The following RHCE variants were observed in gnomAD, a reference collection of about 807,000 sequenced individuals.
RHCE encodes Rh blood group CcEe antigens, also known as blood group Rh(CE) polypeptide.
In RHCE, 22 loss-of-function variants were observed where a neutral mutation model predicts 43.8. The ratio of observed to expected loss-of-function variants is 0.50; its 90% CI spans 0.36 to 0.72. The LOEUF is 0.72. RHCE is among the 30% of genes least tolerant of loss of function. The pLI is 0.00. For missense variants in RHCE, 385 were observed against 525.4 expected (o/e 0.73, Z 2.61); for synonymous variants, 156 against 210.7 (o/e 0.74, Z 2.25).
At chr1:25,379,451 GTATATATATATATATATATATA>G (rs1189074254) in intron 7 of RHCE, among the ~76,000 whole-genome samples, 29 of 51,000 alleles carry the variant, frequency 5.7e-4, no homozygotes, top group African/African-American at 8.6e-4. Flanking sequence ...TAGCACCAAA[GTATATATATATATATATATATA>G]TATATATATA....
In RHCE at chr1:25,420,693, T is replaced by C. The variant is rs760999674; in HGVS notation, c.94A>G (p.Thr32Ala). The C allele has an allele frequency of 8.1e-6, 13 of 1,612,958 alleles. No individual in the cohort carries two copies. In the Admixed American group the frequency reaches 1.2e-4, roughly 15 times the overall value. The change falls in exon 1 of 10, where the codon ACC becomes GCC. Residue 32 changes from threonine to alanine, a missense_variant. By Grantham distance (58) the Thr-to-Ala change is moderately conservative. Around this residue, in one of 6 missense-constraint regions of RHCE, gnomAD observed 110 missense variants for 192.1 expected, o/e 0.57. Transcript: ENST00000294413. ...AALILLFYFF[T>A]HYDASLEDQK... ...TCCTCTAAGGAAGCGTCATAGTGGG[T>C]AAAAAAATAGAAGAGGAGAATGAGA... is the stretch of plus-strand genomic sequence containing the variant.
intron 8 of RHCE, among the ~76,000 whole-genome samples, chr1:25,372,672 G>T (rs539485231): frequency 3.3e-5 from 5 of 151,698 alleles, no homozygotes; most frequent in Non-Finnish European, 5.9e-5. Flanking sequence ...ATGCTTGATA[G>T]GATTGTTCCT....
chr1:25,389,182 C>T (rs1646277680), intron 5 of RHCE, 69 bp from the exon 6 acceptor site: 3 of 1,514,094 alleles, frequency 2.0e-6, no homozygotes, highest in Middle Eastern at 2.1e-4. Context: ...TGCAAGTGAC[C>T]AGCACGCTGG....
intron 3 of RHCE, among the ~76,000 whole-genome samples, chr1:25,399,719 CT>C (rs766295126): frequency 1.3e-5 from 2 of 152,094 alleles, no homozygotes; most frequent in Non-Finnish European, 2.9e-5. Flanking sequence ...TTAGGAAATG[CT>C]GATATCTCAT....
At chr1:25,393,804 C>G (rs1430816817) in intron 3 of RHCE, among the ~76,000 whole-genome samples, 4 of 151,694 alleles carry the variant, frequency 2.6e-5, no homozygotes, top group Non-Finnish European at 4.4e-5. Context: ...TCCTCAAACC[C>G]ACTAGCGTGT....
chr1:25,420,072 C>T (rs2904813), intron 1 of RHCE, among the ~76,000 whole-genome samples: 71,338 of 150,446 alleles, frequency 0.47, 17,501 homozygotes, highest in Non-Finnish European at 0.54. Context: ...GTCCCAGCTT[C>T]TTGGGAGGCT....
At chr1:25,422,840 G>T (rs1364617388), upstream of RHCE, among the ~76,000 whole-genome samples, 1 of 152,192 alleles carries the variant, frequency 6.6e-6, no homozygotes, top group Non-Finnish European at 1.5e-5. Context: ...TCAGGCATTA[G>T]TTAGATTCTC....
intron 1 of RHCE, among the ~76,000 whole-genome samples, chr1:25,419,232 G>A (rs1049385221): frequency 6.6e-5 from 10 of 152,318 alleles, no homozygotes; most frequent in African/African-American, 2.4e-4. Context: ...ATAAATATCA[G>A]TTCTAATCAT....
chr1:25,400,125 C>T (rs1443453647), intron 3 of RHCE, among the ~76,000 whole-genome samples: 1 of 152,156 alleles, frequency 6.6e-6, no homozygotes, highest in Admixed American at 6.5e-5. Flanking sequence ...TCTGTATCAT[C>T]AGATTTTTCC....
rs1160677348 is a variant in RHCE, at chr1:25,406,125, G to A, written c.335+2558C>T. Among the ~76,000 whole-genome samples the A allele has an allele frequency of 5.7e-5, 7 of 123,040 alleles. 2 individuals are homozygous for A. Among genetic ancestry groups the A allele is most frequent in the Admixed American group, 3.5e-4 (4 of 11,486 alleles). 80.7% of individuals were successfully genotyped at this position (123,040 alleles called of 152,430 possible). A position where few individuals can be genotyped will look rare whatever the true frequency, so the allele number is the denominator to read the frequency against. ...CTGTGGGGCAGGAGGCTGAAGGCTG[G>A]TGTGACCTTAAGCTAAGGCAGCAAC... On this transcript the variant is annotated intron_variant, in intron 2 of 9. Transcript: ENST00000294413.
At chr1:25,411,931 G>C (rs1647092740) in intron 1 of RHCE, among the ~76,000 whole-genome samples, 1 of 152,162 alleles carries the variant, frequency 6.6e-6, no homozygotes, top group African/African-American at 2.4e-5. Flanking sequence ...ATAGGGTCCA[G>C]ACTTATTGAA....
At chr1:25,416,194 G>T (rs1247358311) in intron 1 of RHCE, among the ~76,000 whole-genome samples, 2 of 152,138 alleles carry the variant, frequency 1.3e-5, no homozygotes, top group Non-Finnish European at 2.9e-5. Flanking sequence ...CAATGAGAAG[G>T]ATTTGATACG....
In RHCE at chr1:25,409,687, GT is replaced by G. The variant is rs1260094820; in HGVS notation, c.149-819del. On this transcript the variant is annotated intron_variant, in intron 1 of 9. Coordinates refer to ENST00000294413, the MANE Select transcript of RHCE (RefSeq NM_020485.8). ...TCTCTAACTGTGTGGTCTTGATCTA[GT>G]TACTTAACATCTCTGAGCTTTATAA... is the stretch of plus-strand genomic sequence containing the variant. Among the ~76,000 whole-genome samples the G allele has an allele frequency of 2.5e-4, 32 of 125,548 alleles. 4 individuals are homozygous for G. Among genetic ancestry groups the G allele is most frequent in the Non-Finnish European group, 5.6e-4 (31 of 55,038 alleles). 82.4% of individuals were successfully genotyped at this position (125,548 alleles called of 152,430 possible).
At chr1:25,428,262 G>A (rs1160016862) in intron 2 of RHCE, among the ~76,000 whole-genome samples, 1 of 152,194 alleles carries the variant, frequency 6.6e-6, no homozygotes, top group Non-Finnish European at 1.5e-5. Context: ...ATGGGGATGA[G>A]GGATATTCAA....
upstream of RHCE, among the ~76,000 whole-genome samples, chr1:25,423,834 C>CT (rs1321333062): frequency 6.6e-6 from 1 of 152,090 alleles, no homozygotes; most frequent in Non-Finnish European, 1.5e-5. Flanking sequence ...AGTCTTTCAA[C>CT]TTTTTTTGGT....
intron 9 of RHCE, among the ~76,000 whole-genome samples, chr1:25,369,052 T>C (rs1645521329): frequency 6.6e-6 from 1 of 151,770 alleles, no homozygotes; most frequent in South Asian, 2.1e-4. Context: ...TGAGCCACCA[T>C]ACCCAGCCTA....
chr1:25,402,809 A>ATT lies in RHCE; in HGVS notation c.336-65_336-64dup. ...AAGGATGCCTCTCACTCATTCATTC[A>ATT]TTCATTCATTCATTCAACAAACACT... On this transcript the variant is annotated intron_variant, in intron 2 of 9. Coordinates refer to ENST00000294413, the MANE Select transcript of RHCE (RefSeq NM_020485.8). 3 of 1,594,892 alleles carry ATT rather than the reference A, an allele frequency of 1.9e-6. No individual in the cohort carries two copies. In the East Asian group the frequency reaches 6.7e-5, roughly 36 times the overall value.
chr1:25,418,038 TA>T (rs958592283), intron 1 of RHCE, among the ~76,000 whole-genome samples: 92 of 152,292 alleles, frequency 6.0e-4, no homozygotes, highest in African/African-American at 2.1e-3. Context: ...TTATTACTAT[TA>T]TTTTTTTCAG....
chr1:25,386,277 G>C (rs963097583), intron 6 of RHCE, among the ~76,000 whole-genome samples: 7 of 152,156 alleles, frequency 4.6e-5, no homozygotes, highest in African/African-American at 1.7e-4. Flanking sequence ...AACCAAGAAC[G>C]CCTCCAGACA....
Sources: allele counts gnomAD v4.1 joint callset (sites outside exome capture counted in the v4.1 genomes callset), GRCh38; gene constraint gnomAD v4.1.1; regional missense constraint gnomAD v4.1.1; transcripts MANE v1.5; gene names NCBI Gene and HGNC (gene_info 2026-07-23, HGNC 2026-07-21).